Variants in DYM observed in about 807,000 individuals in gnomAD.
DYM encodes dymeclin, also known as dyggve-Melchior-Clausen syndrome protein.
DYM carries 78 observed loss-of-function variants against 93.1 expected under a neutral mutation model. The observed-to-expected ratio is 0.84, with a 90% CI of 0.70 to 1.01. The LOEUF (loss-of-function observed/expected upper bound fraction) is 1.01. DYM is among the 50% of genes least tolerant of loss of function. DYM has a pLI of 0.00. For synonymous variants in DYM, 321 were observed against 319.7 expected, an observed-to-expected ratio of 1.00 and a Z score of -0.04; for missense variants, 789 against 845.0, an observed-to-expected ratio of 0.93 and a Z score of 0.82.
At chr18:49,303,567 T>TGTGACCCTTTGGTGCAC in intron 8 of DYM, among the ~76,000 whole-genome samples, 1 of 152,246 alleles carries the variant, frequency 6.6e-6, no homozygotes, top group Non-Finnish European at 1.5e-5. Context: ...GCTGGTCAGG[T>TGTGACCCTTTGGTGCAC]GTGACCCTTT....
chr18:49,243,952 G>A lies in DYM; in HGVS notation c.1460+13058C>T, dbSNP rs1051519774. On this transcript the variant is annotated intron_variant, in intron 13 of 17. Coordinates refer to ENST00000675505, the MANE Select transcript of DYM (RefSeq NM_001353214.3). ...GTAAAGAATAGACAAATACTCTTAC[G>A]CTTCAATATAATCTTCATGTTTGAC... Among the ~76,000 whole-genome samples, 15 of 152,076 alleles carry A rather than the reference G, an allele frequency of 9.9e-5. No homozygotes were observed. In the South Asian group the frequency reaches 1.7e-3, roughly 17 times the overall value.
intron 15 of DYM, among the ~76,000 whole-genome samples, chr18:49,134,363 C>T (rs1406336983): frequency 6.6e-6 from 1 of 152,088 alleles, no homozygotes; most frequent in Non-Finnish European, 1.5e-5. Flanking sequence ...TAAATATCAC[C>T]TCACTTTATT....
At chr18:49,345,448 GA>G (rs2064503704) in intron 6 of DYM, among the ~76,000 whole-genome samples, 1 of 152,120 alleles carries the variant, frequency 6.6e-6, no homozygotes, top group African/African-American at 2.4e-5. Flanking sequence ...ACAAGGACTT[GA>G]CATTTAAGCA....
chr18:49,426,798 C>G (rs2074342686), intron 2 of DYM, among the ~76,000 whole-genome samples: 1 of 147,072 alleles, frequency 6.8e-6, no homozygotes, highest in East Asian at 2.0e-4. Context: ...TGTGAATTTA[C>G]CCTCAAGACA....
At chr18:49,368,140 C>T (rs1328492046) in intron 5 of DYM, among the ~76,000 whole-genome samples, 1 of 152,192 alleles carries the variant, frequency 6.6e-6, no homozygotes, top group Non-Finnish European at 1.5e-5. Context: ...CCATTCCAAT[C>T]AGATCAGTAA....
intron 6 of DYM, among the ~76,000 whole-genome samples, chr18:49,335,185 G>A (rs1015061323): frequency 2.0e-5 from 3 of 152,096 alleles, no homozygotes; most frequent in Non-Finnish European, 4.4e-5. Context: ...AGAGACCCAC[G>A]CAATTAGCCT....
In DYM at chr18:49,258,400, A is replaced by G. The variant is rs915143872; in HGVS notation, c.1345T>C (p.Tyr449His). 3.7e-6 allele frequency: 6 copies of G among 1,610,512 alleles called. No homozygotes were observed. The African/African-American group carries it at 5.3e-5, about 14-fold the overall frequency. The change falls in exon 12 of 18, where the codon TAC (tyrosine) becomes CAC (histidine). Residue 449 changes from tyrosine to histidine, a missense_variant. By Grantham distance (83) the Tyr-to-His change is moderately conservative. Transcript: ENST00000675505. ...LILVVIRTIQ[Y>H]NMTRTRDKYL... is the part of the protein sequence containing the mutation. Reference sequence around the variant, plus strand: ...CTTACTCGTGTCCTAGTCATGTTGTATTGAATGGTTCTTATTACCACCAGG... The same window carrying G: ...CTTACTCGTGTCCTAGTCATGTTGTGTTGAATGGTTCTTATTACCACCAGG...
intron 17 of DYM, among the ~76,000 whole-genome samples, chr18:49,080,498 TGG>T (rs2077819612): frequency 7.6e-6 from 1 of 131,058 alleles, no homozygotes. Flanking sequence ...ACGGGGCGGC[TGG>T]CCGGGCAGAG....
At chr18:49,232,643 C>G (rs1050061772) in intron 13 of DYM, among the ~76,000 whole-genome samples, 2 of 133,410 alleles carry the variant, frequency 1.5e-5, no homozygotes, top group African/African-American at 5.6e-5. Context: ...CAGACTTGCT[C>G]TGTCGCCCAG....
chr18:49,142,675 G>A (rs531339347), intron 15 of DYM, among the ~76,000 whole-genome samples: 2 of 152,258 alleles, frequency 1.3e-5, no homozygotes, highest in South Asian at 4.1e-4. Flanking sequence ...GGGAAAGGCA[G>A]AGTACTTTGT....
chr18:49,266,483 C>T (rs2094572179), intron 11 of DYM, among the ~76,000 whole-genome samples: 1 of 152,088 alleles, frequency 6.6e-6, no homozygotes, highest in Non-Finnish European at 1.5e-5. Flanking sequence ...TGGTGGCATG[C>T]ACCTGCAGTC....
intron 6 of DYM, among the ~76,000 whole-genome samples, chr18:49,355,752 T>C (rs2065506546): frequency 6.6e-6 from 1 of 152,182 alleles, no homozygotes; most frequent in Non-Finnish European, 1.5e-5. Flanking sequence ...AATTCTGTAC[T>C]TTCTGCTCAA....
intron 9 of DYM, among the ~76,000 whole-genome samples, chr18:49,283,608 A>C (rs1226479444): frequency 2.6e-5 from 4 of 152,180 alleles, no homozygotes; most frequent in African/African-American, 9.7e-5. Context: ...AGTTCAATGG[A>C]CTCAGAGAAA....
At chr18:49,369,714 TTGAGAA>T (rs1243085153) in intron 5 of DYM, among the ~76,000 whole-genome samples, 6 of 151,942 alleles carry the variant, frequency 3.9e-5, no homozygotes, top group Non-Finnish European at 5.9e-5. Context: ...TCTACTATGC[TTGAGAA>T]TAAGTCCCAC....
rs138467174 is a variant in DYM, at chr18:49,188,755, G to A, written c.1625+20796C>T. 4.9e-3 allele frequency among the ~76,000 whole-genome samples: 742 copies of A among 152,056 alleles called. 5 individuals are homozygous for A. The highest frequency in any genetic ancestry group is 0.01 in the Middle Eastern group (3 of 294). On this transcript the variant is annotated intron_variant, in intron 14 of 17. Transcript: ENST00000675505. ...CCTAATGTTAAATGACGAGTTACTG[G>A]GTGCAGCACACCAATGTGGCACATG...
chr18:49,082,921 G>A (rs921072839), intron 17 of DYM, among the ~76,000 whole-genome samples: 1 of 152,152 alleles, frequency 6.6e-6, no homozygotes, highest in Non-Finnish European at 1.5e-5. Flanking sequence ...GTTAGCCGTA[G>A]GTTTTTTCCA....
chr18:49,377,617 T>TC (rs2067635171), intron 5 of DYM, among the ~76,000 whole-genome samples: 1 of 152,106 alleles, frequency 6.6e-6, no homozygotes, highest in South Asian at 2.1e-4. Context: ...TAAGAAATAT[T>TC]CCCCATAGAC....
At chr18:49,168,856 A>C (rs985830965) in intron 14 of DYM, among the ~76,000 whole-genome samples, 3 of 152,182 alleles carry the variant, frequency 2.0e-5, no homozygotes, top group Non-Finnish European at 2.9e-5. Context: ...TTGGAAAAGC[A>C]AACGGGGAGG....
chr18:49,105,395 G>A (rs566841865), intron 16 of DYM, among the ~76,000 whole-genome samples: 119 of 152,174 alleles, frequency 7.8e-4, no homozygotes, highest in African/African-American at 2.7e-3. Flanking sequence ...GGTTTTTTGT[G>A]TCTCTATCTC....
Sources: allele counts gnomAD v4.1 joint callset (sites outside exome capture counted in the v4.1 genomes callset), GRCh38; gene constraint gnomAD v4.1.1; transcripts MANE v1.5; gene names NCBI Gene and HGNC (gene_info 2026-07-23, HGNC 2026-07-21).